The following DCLK2 variants were observed in gnomAD, a reference collection of about 807,000 sequenced individuals.
DCLK2 encodes doublecortin like kinase 2, also known as serine/threonine-protein kinase DCLK2.
A neutral mutation model predicts 78.4 loss-of-function variants in DCLK2; 31 were observed. The observed-to-expected ratio is 0.40, with a 90% CI of 0.30 to 0.53. DCLK2 has a LOEUF of 0.53. DCLK2 is among the 20% of genes least tolerant of loss of function. The probability of loss-of-function intolerance (pLI) is 0.61; values close to 1 mark genes in which losing one functional copy is unlikely to be tolerated. For synonymous variants in DCLK2, 407 were observed against 374.9 expected (o/e 1.09, Z -0.99); for missense variants, 872 against 973.7 (o/e 0.90, Z 1.39).
intron 2 of DCLK2, among the ~76,000 whole-genome samples, chr4:150,124,454 C>T (rs1188479177): frequency 6.6e-6 from 1 of 152,024 alleles, no homozygotes; most frequent in African/African-American, 2.4e-5. Flanking sequence ...CATTAAAATG[C>T]CATTTTAAGA....
intron 5 of DCLK2, among the ~76,000 whole-genome samples, chr4:150,207,310 G>A (rs1206975451): frequency 1.3e-5 from 2 of 152,108 alleles, no homozygotes; most frequent in Non-Finnish European, 2.9e-5. Context: ...TATTCACTAG[G>A]GAACTAAATA....
chr4:150,196,952 G>A (rs1195968959), intron 3 of DCLK2, among the ~76,000 whole-genome samples: 4 of 152,156 alleles, frequency 2.6e-5, no homozygotes, highest in Non-Finnish European at 5.9e-5. Context: ...TGAGAAGTTC[G>A]AGACCAGCCT....
chr4:150,246,024 T>G (rs980177821), intron 12 of DCLK2, among the ~76,000 whole-genome samples: 2 of 151,122 alleles, frequency 1.3e-5, no homozygotes, highest in Non-Finnish European at 2.9e-5. Context: ...TCATGAATAT[T>G]TACAAAGCTC....
chr4:150,180,397 G>A (rs892281545), intron 2 of DCLK2, among the ~76,000 whole-genome samples: 2 of 152,188 alleles, frequency 1.3e-5, no homozygotes, highest in Non-Finnish European at 2.9e-5. Flanking sequence ...TGGATTGGAA[G>A]ATTGCCACCT....
intron 5 of DCLK2, among the ~76,000 whole-genome samples, chr4:150,220,062 C>T (rs977211321): frequency 1.3e-5 from 2 of 152,154 alleles, no homozygotes; most frequent in Non-Finnish European, 2.9e-5. Context: ...CGGAGAAGGA[C>T]TTGGACCAGG....
Position 150,140,766 on chromosome 4 carries a change from A to G in DCLK2, c.756+37954A>G, listed in dbSNP as rs1424483591. On this transcript the variant is annotated intron_variant, in intron 2 of 15. Transcript: ENST00000296550. ...TGTATTATTTTAGATATTAAGAAAT[A>G]CTATAAAGAGGTTAAAATCATTTGA... is the stretch of plus-strand genomic sequence containing the variant. Among the ~76,000 whole-genome samples the G allele has an allele frequency of 8.5e-5, 13 of 152,226 alleles. 1 individual carries two copies. The highest frequency in any genetic ancestry group is 7.2e-4 in the Admixed American group (11 of 15,286).
intron 2 of DCLK2, among the ~76,000 whole-genome samples, chr4:150,163,076 T>C (rs75034589): frequency 0.013 from 1,995 of 152,216 alleles, 46 homozygotes; most frequent in African/African-American, 0.046. Flanking sequence ...GGGCGGTACC[T>C]AAGCAAATGG....
intron 5 of DCLK2, among the ~76,000 whole-genome samples, chr4:150,210,372 TGA>T (rs1423881899): frequency 2.6e-5 from 4 of 152,090 alleles, no homozygotes; most frequent in Non-Finnish European, 5.9e-5. Context: ...AAAGAGAAGG[TGA>T]GAGAAGTCAG....
intron 2 of DCLK2, among the ~76,000 whole-genome samples, chr4:150,139,870 A>G (rs1447170067): frequency 6.6e-6 from 1 of 152,168 alleles, no homozygotes; most frequent in African/African-American, 2.4e-5. Context: ...TAAATGTATA[A>G]TTTCAAAGTT....
chr4:150,215,799 T>C (rs947878223), intron 5 of DCLK2, among the ~76,000 whole-genome samples: 3 of 152,236 alleles, frequency 2.0e-5, no homozygotes, highest in Non-Finnish European at 4.4e-5. Context: ...AGCCTCTTTA[T>C]AGAGCATTCC....
intron 2 of DCLK2, among the ~76,000 whole-genome samples, chr4:150,169,591 A>C (rs1393501333): frequency 1.3e-5 from 2 of 149,526 alleles, no homozygotes; most frequent in African/African-American, 5.0e-5. Context: ...TGGGAGATGG[A>C]GGTTGCAGTG....
At chr4:150,188,624 G>A (rs1214853343) in intron 2 of DCLK2, among the ~76,000 whole-genome samples, 1 of 152,118 alleles carries the variant, frequency 6.6e-6, no homozygotes, top group South Asian at 2.1e-4. Context: ...TCCAAGGGCC[G>A]GGCATGGTGG....
At chr4:150,105,114 G>T (rs1239770002) in intron 2 of DCLK2, among the ~76,000 whole-genome samples, 4 of 152,014 alleles carry the variant, frequency 2.6e-5, no homozygotes, top group Non-Finnish European at 2.9e-5. Flanking sequence ...TAAATTCCAG[G>T]TGTGTTAGAA....
In DCLK2 at chr4:150,079,132, C is replaced by T; in HGVS notation, c.105C>T (p.Ser35=). ...CCCCCAGCTCCTCCGGGGGCAGCAG[C>T]AGCTCGGGCCCCAAGGGGAACGGGC... The part of the protein sequence containing the change: ...RGAPSSSGGS[S]SSGPKGNGLI... The change falls in exon 1 of 16, where the codon AGC becomes AGT. Residue 35 remains serine, a synonymous_variant. Transcript: ENST00000296550. The T allele has an allele frequency of 6.3e-7, 1 of 1,585,680 alleles. No individual in the cohort carries two copies. Among genetic ancestry groups the T allele is most frequent in the South Asian group, 1.2e-5 (1 of 86,020 alleles).
intron 9 of DCLK2, 77 bp downstream of exon 9, chr4:150,232,533 G>A: frequency 1.9e-6 from 3 of 1,563,868 alleles, no homozygotes; most frequent in Non-Finnish European, 2.6e-6. Context: ...TCAGAAAAGT[G>A]TATTGCTACC....
chr4:150,227,619 G>A (rs572188719), intron 8 of DCLK2, among the ~76,000 whole-genome samples: 4 of 152,306 alleles, frequency 2.6e-5, no homozygotes, highest in Admixed American at 1.3e-4. Flanking sequence ...CAAGAGCTGC[G>A]TTGGGGCCAG....
intron 15 of DCLK2, among the ~76,000 whole-genome samples, chr4:150,251,303 C>A (rs111215784): frequency 0.091 from 4 of 44 alleles, no homozygotes; most frequent in Non-Finnish European, 0.083. Context: ...CTCACACCCC[C>A]CACACCACAC....
chr4:150,163,795 G>A (rs1735875812), intron 2 of DCLK2, among the ~76,000 whole-genome samples: 1 of 152,194 alleles, frequency 6.6e-6, no homozygotes, highest in African/African-American at 2.4e-5. Context: ...GTCTTGCATT[G>A]TCATTTGGAC....
chr4:150,157,061 C>T (rs908959227), intron 2 of DCLK2, among the ~76,000 whole-genome samples: 5 of 151,784 alleles, frequency 3.3e-5, no homozygotes, highest in South Asian at 2.1e-4. Context: ...TGAACCACTG[C>T]GCACAGCCAG....
Sources: gnomAD v4.1 joint callset for allele counts (sites outside exome capture counted in the v4.1 genomes callset) on GRCh38, gnomAD v4.1.1 for gene constraint, MANE v1.5 for transcripts, NCBI Gene and HGNC (gene_info 2026-07-23, HGNC 2026-07-21) for gene names.